Variants in L2HGDH observed in about 807,000 individuals in gnomAD.
L2HGDH encodes L-2-hydroxyglutarate dehydrogenase, mitochondrial.
In L2HGDH, 34 loss-of-function variants were observed where a neutral mutation model predicts 51.5. The ratio of observed to expected loss-of-function variants is 0.66; its 90% confidence interval spans 0.50 to 0.88. The LOEUF (loss-of-function observed/expected upper bound fraction) is 0.88. Among genes scored for constraint, L2HGDH ranks in the 40% least tolerant of loss-of-function variants. The pLI is 0.00. For missense variants in L2HGDH, 558 were observed against 571.9 expected (o/e 0.98, Z 0.25); for synonymous variants, 198 against 197.9 (o/e 1.00, Z -0.01).
At chr14:50,269,054 G>A (rs900210799) in intron 7 of L2HGDH, 109 bp downstream of exon 7, 28 of 651,730 alleles carry the variant, frequency 4.3e-5, no homozygotes, top group East Asian at 7.5e-5. Flanking sequence ...TTACAAAAAC[G>A]GTCCTTCAAA....
At position 50,244,803 on chromosome 14, in the gene L2HGDH, C is replaced by A; in HGVS notation, c.*2255G>T. The A allele has an allele frequency of 1.0e-6, 1 of 985,406 alleles. No individual in the cohort carries two copies. The highest frequency in any genetic ancestry group is 4.7e-5 in the South Asian group (1 of 21,282). The allele number at this position is 985,406 out of a possible 1,614,324, so 61.0% of individuals were successfully genotyped here. On this transcript the variant is annotated 3_prime_UTR_variant, in exon 10 of 10. Coordinates refer to ENST00000267436, the MANE Select transcript of L2HGDH (RefSeq NM_024884.3). ...CATTTTTCCTATCAACCAAAATGCACATCCTTCTCACCCATCCATCATACA... is the reference window on the plus strand; with the variant it reads ...CATTTTTCCTATCAACCAAAATGCAAATCCTTCTCACCCATCCATCATACA...
chr14:50,266,490 A>G lies in L2HGDH; in HGVS notation c.1065-1001T>C, dbSNP rs143259919. 2.6e-5 allele frequency among the ~76,000 whole-genome samples: 4 copies of G among 152,276 alleles called. No homozygotes were observed. The East Asian group carries it at 7.7e-4, about 29-fold the overall frequency. ...AAACCCTGTCTCTACAGAAAACACA[A>G]AAATTATCTGGGCATGGTAGCATCT... is the stretch of plus-strand genomic sequence containing the variant. On this transcript the variant is annotated intron_variant, in intron 8 of 9. Transcript: ENST00000267436.
At chr14:50,291,190 T>C (rs1199741358) in intron 4 of L2HGDH, among the ~76,000 whole-genome samples, 56 of 89,444 alleles carry the variant, frequency 6.3e-4, no homozygotes, top group African/African-American at 2.6e-3. Flanking sequence ...AGACTGAGAC[T>C]CCGTCTCAAA....
chr14:50,311,750 G>C (rs2031209299), intron 1 of L2HGDH, among the ~76,000 whole-genome samples: 2 of 152,226 alleles, frequency 1.3e-5, no homozygotes, highest in Non-Finnish European at 2.9e-5. Context: ...CTAGCCCAGA[G>C]TTCAACAGAA....
intron 3 of L2HGDH, among the ~76,000 whole-genome samples, chr14:50,295,261 G>A (rs891851997): frequency 3.9e-5 from 6 of 152,102 alleles, no homozygotes; most frequent in Admixed American, 2.6e-4. Context: ...TATAATCCAA[G>A]CTACTTCAAA....
At chr14:50,288,062 A>G (rs1595121737) in intron 4 of L2HGDH, among the ~76,000 whole-genome samples, 1 of 152,292 alleles carries the variant, frequency 6.6e-6, no homozygotes, top group South Asian at 2.1e-4. Context: ...TGTAATGATC[A>G]AATCAGGGTA....
chr14:50,251,178 T>G (rs1411817910), intron 9 of L2HGDH, among the ~76,000 whole-genome samples: 1 of 151,366 alleles, frequency 6.6e-6, no homozygotes, highest in Non-Finnish European at 1.5e-5. Flanking sequence ...GGGATTGAAA[T>G]AATTAAAAAG....
chr14:50,274,692 C>A (rs1457927570), intron 6 of L2HGDH, among the ~76,000 whole-genome samples: 2 of 152,106 alleles, frequency 1.3e-5, no homozygotes, highest in East Asian at 3.8e-4. Flanking sequence ...CAGCATTATT[C>A]ACAACAGCCA....
Position 50,312,181 on chromosome 14 carries a change from C to T in L2HGDH, c.-31G>A. 1 of 1,606,432 alleles carries T rather than the reference C, an allele frequency of 6.2e-7. No homozygotes were observed. The highest frequency in any genetic ancestry group is 8.5e-7 in the Non-Finnish European group (1 of 1,178,774). Reference sequence around the variant, plus strand: ...ACGCACGCTCCCCTCCCTCAGCGCTCAGAAGAAGCCACTTGACCCTCCACG... The same window carrying T: ...ACGCACGCTCCCCTCCCTCAGCGCTTAGAAGAAGCCACTTGACCCTCCACG... On this transcript the variant is annotated 5_prime_UTR_variant, in exon 1 of 10. Transcript: ENST00000267436.
At position 50,242,908 on chromosome 14, in the gene L2HGDH, T is replaced by C. The variant is rs1433654660; in HGVS notation, c.*4150A>G. ...GTCCTTAAACAATATAGACACCATG[T>C]CTCCTGTGTTTACAGGGATAGCTCA... On this transcript the variant is annotated 3_prime_UTR_variant, in exon 10 of 10. Transcript: ENST00000267436. The C allele has an allele frequency of 1.0e-6, 1 of 985,276 alleles. No individual in the cohort carries two copies. The highest frequency in any genetic ancestry group is 6.2e-5 in the Admixed American group (1 of 16,256). 61.0% of individuals were successfully genotyped at this position (985,276 alleles called of 1,614,324 possible).
At chr14:50,264,044 G>A (rs1479397895) in intron 9 of L2HGDH, among the ~76,000 whole-genome samples, 2 of 151,064 alleles carry the variant, frequency 1.3e-5, no homozygotes, top group African/African-American at 4.9e-5. Context: ...CAAGTGCTGG[G>A]ATTGCAGGTG....
Position 50,242,659 on chromosome 14 carries a change from T to A in L2HGDH, c.*4399A>T. On this transcript the variant is annotated 3_prime_UTR_variant, in exon 10 of 10. Transcript: ENST00000267436. ...CTATTTGAAAACATCTCGAGGCAGC[T>A]TTTGCTTTCCCAACCATTTCACCCT... The A allele has an allele frequency of 1.0e-6, 1 of 985,436 alleles. No homozygotes were observed. The highest frequency in any genetic ancestry group is 1.2e-6 in the Non-Finnish European group (1 of 829,942). The allele number at this position is 985,436 out of a possible 1,614,324, so 61.0% of individuals were successfully genotyped here. A position where few individuals can be genotyped will look rare whatever the true frequency, so the allele number is the denominator to read the frequency against.
Position 50,247,095 on chromosome 14 carries a change from A to T in L2HGDH, c.1355T>A (p.Met452Lys), listed in dbSNP as rs1168824875. The T allele has an allele frequency of 6.2e-7, 1 of 1,613,738 alleles. No individual in the cohort carries two copies. The change falls in exon 10 of 10, where the codon ATG becomes AAG. Residue 452 changes from methionine to lysine, a missense_variant. Around this residue, in one of 3 missense-constraint regions of L2HGDH, gnomAD observed 321 missense variants for 311.8 expected, o/e 1.03. Coordinates refer to ENST00000267436, the MANE Select transcript of L2HGDH (RefSeq NM_024884.3). ...AATSSIAISGMIADEVQQRFE... is the reference protein window; with the variant it reads ...AATSSIAISGKIADEVQQRFE... The stretch of plus-strand genomic sequence containing the variant: ...TCTTTGTTGTACTTCATCTGCAATC[A>T]TTCCAGAAATTGCAATGGAAGAAGT...
At chr14:50,247,306 C>G (rs1488543118) in intron 9 of L2HGDH, 53 bp from the exon 10 acceptor site, 1 of 1,584,998 alleles carries the variant, frequency 6.3e-7, no homozygotes. Context: ...GGATACTTTA[C>G]AAGTCAGCGT....
Position 50,245,279 on chromosome 14 carries a change from A to C in L2HGDH, c.*1779T>G. On this transcript the variant is annotated 3_prime_UTR_variant, in exon 10 of 10. Coordinates refer to ENST00000267436, the MANE Select transcript of L2HGDH (RefSeq NM_024884.3). Reference sequence around the variant, plus strand: ...AAGATCAGAGATATAATAGATAAATAACTTTTTTAAATTGGAGTTCTATAC... The same window carrying C: ...AAGATCAGAGATATAATAGATAAATCACTTTTTTAAATTGGAGTTCTATAC... 1 of 984,990 alleles carries C rather than the reference A, an allele frequency of 1.0e-6. No individual in the cohort carries two copies. The highest frequency in any genetic ancestry group is 1.2e-6 in the Non-Finnish European group (1 of 829,530). The allele number at this position is 984,990 out of a possible 1,614,324, so 61.0% of individuals were successfully genotyped here. A position where few individuals can be genotyped will look rare whatever the true frequency, so the allele number is the denominator to read the frequency against.
At chr14:50,274,714 CAACGTT>C (rs1386600608) in intron 6 of L2HGDH, among the ~76,000 whole-genome samples, 2 of 152,018 alleles carry the variant, frequency 1.3e-5, no homozygotes, top group African/African-American at 2.4e-5. Context: ...GACATGAGAA[CAACGTT>C]AAGTGTCCAT....
intron 8 of L2HGDH, among the ~76,000 whole-genome samples, chr14:50,267,382 T>C (rs12431485): frequency 0.59 from 89,332 of 151,542 alleles, 26,431 homozygotes; most frequent in East Asian, 0.66. Flanking sequence ...TGGGGCTTCA[T>C]CGTGTTAGCC....
At chr14:50,295,296 G>T (rs2029963343) in intron 3 of L2HGDH, among the ~76,000 whole-genome samples, 1 of 152,158 alleles carries the variant, frequency 6.6e-6, no homozygotes, top group Non-Finnish European at 1.5e-5. Context: ...GACCACTTGA[G>T]CCCAGGAGTT....
At chr14:50,264,387 T>C (rs1889220142) in intron 9 of L2HGDH, among the ~76,000 whole-genome samples, 4 of 151,840 alleles carry the variant, frequency 2.6e-5, no homozygotes, top group African/African-American at 9.7e-5. Context: ...TCAGAAAAAA[T>C]ATAAAAATAA....
Sources: allele counts gnomAD v4.1 joint callset (sites outside exome capture counted in the v4.1 genomes callset), GRCh38; gene constraint gnomAD v4.1.1; regional missense constraint gnomAD v4.1.1; transcripts MANE v1.5; gene names NCBI Gene and HGNC (gene_info 2026-07-23, HGNC 2026-07-21).